Variants in MINDY2 observed in about 807,000 individuals in gnomAD.
MINDY2 encodes the protein MINDY lysine 48 deubiquitinase 2, also known as ubiquitin carboxyl-terminal hydrolase MINDY-2.
In MINDY2, 52 loss-of-function variants were observed where a neutral mutation model predicts 68.2. The observed-to-expected ratio is 0.76, with a 90% CI of 0.61 to 0.96. The LOEUF (loss-of-function observed/expected upper bound fraction) is 0.96. Among genes scored for constraint, MINDY2 ranks in the 40% least tolerant of loss-of-function variants. The pLI, the probability that MINDY2 is intolerant of heterozygous loss-of-function variation, is 0.00. For synonymous variants in MINDY2, 372 were observed against 303.0 expected (o/e 1.23, Z -2.36); for missense variants, 881 against 773.4 (o/e 1.14, Z -1.65).
At chr15:58,796,079 G>A (rs1390896730) in intron 2 of MINDY2, 1 of 455,816 alleles carries the variant, frequency 2.2e-6, no homozygotes, top group Non-Finnish European at 4.4e-6. Flanking sequence ...GGAGTGGTGA[G>A]TTGAAGAGTA....
At position 58,861,471 on chromosome 15, in the gene MINDY2, A is replaced by G. The variant is rs2033215938; in HGVS notation, c.*6861A>G. ...GCTTTAATTTCAATTGAGGAATAAT[A>G]ACAACCCTAGAGATTCATAGGAAAG... On this transcript the variant is annotated 3_prime_UTR_variant, in exon 9 of 9. Transcript: ENST00000559228. The G allele has an allele frequency of 6.6e-6, 1 of 152,216 alleles. No individual in the cohort carries two copies. Among genetic ancestry groups the G allele is most frequent in the Non-Finnish European group, 1.5e-5 (1 of 68,038 alleles). The allele number at this position is 152,216 out of a possible 1,614,324, so 9.4% of individuals were successfully genotyped here.
intron 3 of MINDY2, among the ~76,000 whole-genome samples, chr15:58,806,476 G>C (rs1318267530): frequency 6.6e-6 from 1 of 151,004 alleles, no homozygotes; most frequent in African/African-American, 2.4e-5. Context: ...GCTCACTTCA[G>C]CCTCCCAAAG....
chr15:58,772,115 A>G lies in MINDY2; in HGVS notation c.720A>G (p.Gln240=). The G allele has an allele frequency of 1.2e-6, 2 of 1,614,040 alleles. No individual in the cohort carries two copies. The highest frequency in any genetic ancestry group is 1.7e-6 in the Non-Finnish European group (2 of 1,179,954). ...LAASKERFPG[Q]SVYHIKWIQW... ...CCTCCAAGGAACGCTTCCCGGGACA[A>G]TCTGTGTATCACATCAAGTGGATCC... is the stretch of plus-strand genomic sequence containing the variant. The change falls in exon 1 of 9, where the codon CAA becomes CAG. Residue 240 remains glutamine, a synonymous_variant. Coordinates refer to ENST00000559228, the MANE Select transcript of MINDY2 (RefSeq NM_001040450.3).
intron 6 of MINDY2, among the ~76,000 whole-genome samples, chr15:58,843,961 A>G (rs892977143): frequency 2.0e-5 from 3 of 152,100 alleles, no homozygotes; most frequent in Non-Finnish European, 4.4e-5. Flanking sequence ...TGACATTTAT[A>G]TAATTTGAAC....
rs2033131468 is a variant in MINDY2, at chr15:58,858,607, C to G, written c.*3997C>G. ...CAAGGCAAGAATTTCCAGAACTGTCCTCAAATAGCTCATTTATTTAAGTTT... is the reference window on the plus strand; with the variant it reads ...CAAGGCAAGAATTTCCAGAACTGTCGTCAAATAGCTCATTTATTTAAGTTT... On this transcript the variant is annotated 3_prime_UTR_variant, in exon 9 of 9. Coordinates refer to ENST00000559228, the MANE Select transcript of MINDY2 (RefSeq NM_001040450.3). The G allele has an allele frequency of 6.6e-6, 1 of 152,060 alleles. No individual in the cohort carries two copies. The highest frequency in any genetic ancestry group is 2.4e-5 in the African/African-American group (1 of 41,422). 9.4% of individuals were successfully genotyped at this position (152,060 alleles called of 1,614,324 possible). A position where few individuals can be genotyped will look rare whatever the true frequency, so the allele number is the denominator to read the frequency against.
chr15:58,846,100 A>G (rs2032517330), intron 6 of MINDY2, among the ~76,000 whole-genome samples: 1 of 151,976 alleles, frequency 6.6e-6, no homozygotes, highest in South Asian at 2.1e-4. Flanking sequence ...GTTAAAAAAA[A>G]AAAAAAAGAA....
intron 1 of MINDY2, among the ~76,000 whole-genome samples, chr15:58,778,579 A>G (rs1183977670): frequency 3.3e-5 from 5 of 151,460 alleles, no homozygotes; most frequent in African/African-American, 4.8e-5. Flanking sequence ...AAAACACACT[A>G]AAAACTAAGG....
intron 4 of MINDY2, among the ~76,000 whole-genome samples, chr15:58,819,538 G>A (rs78589757): frequency 0.027 from 4,121 of 152,170 alleles, 206 homozygotes; most frequent in African/African-American, 0.092. Flanking sequence ...TTAGAGACAG[G>A]AGTTTTGCTG....
rs1324164025 is a variant in MINDY2, at chr15:58,856,996, G to T, written c.*2386G>T. On this transcript the variant is annotated 3_prime_UTR_variant, in exon 9 of 9. Transcript: ENST00000559228. ...ACAAAACAAAACTCACTCAAAACCA[G>T]CAGTGCTGCTATCAGATAAGTAGAT... 7.2e-5 allele frequency: 11 copies of T among 152,182 alleles called. No individual in the cohort carries two copies. The highest frequency in any genetic ancestry group is 1.3e-4 in the Non-Finnish European group (9 of 68,030). The allele number at this position is 152,182 out of a possible 1,614,324, so 9.4% of individuals were successfully genotyped here.
chr15:58,772,640 C>G (rs1320076123), intron 1 of MINDY2, among the ~76,000 whole-genome samples: 1 of 152,140 alleles, frequency 6.6e-6, no homozygotes, highest in African/African-American at 2.4e-5. Flanking sequence ...ATATCATGGA[C>G]TAAGTTTTCA....
chr15:58,804,530 A>G (rs1902888021), intron 3 of MINDY2, among the ~76,000 whole-genome samples: 1 of 152,080 alleles, frequency 6.6e-6, no homozygotes, highest in Admixed American at 6.6e-5. Flanking sequence ...TGCAAGCACC[A>G]GGCGTGGTGG....
intron 6 of MINDY2, among the ~76,000 whole-genome samples, chr15:58,836,294 C>T (rs1182683911): frequency 1.3e-5 from 2 of 151,058 alleles, no homozygotes; most frequent in Non-Finnish European, 2.9e-5. Flanking sequence ...GGATGGAGTG[C>T]AGTGGCTACT....
intron 5 of MINDY2, among the ~76,000 whole-genome samples, chr15:58,823,206 C>T (rs1330632511): frequency 2.7e-5 from 4 of 148,860 alleles, no homozygotes; most frequent in Non-Finnish European, 5.9e-5. Context: ...GGCGCGATCT[C>T]AGCTCACTGC....
At position 58,854,722 on chromosome 15, in the gene MINDY2, G is replaced by C. The variant is rs1400929720; in HGVS notation, c.*112G>C. On this transcript the variant is annotated 3_prime_UTR_variant, in exon 9 of 9. Transcript: ENST00000559228. Reference sequence around the variant, plus strand: ...TGTGCCTGATTTCCTAATGGATTTTGTTCGTTTTTTCAGGGGAACGGTTGT... The same window carrying C: ...TGTGCCTGATTTCCTAATGGATTTTCTTCGTTTTTTCAGGGGAACGGTTGT... 3 of 1,340,340 alleles carry C rather than the reference G, an allele frequency of 2.2e-6. No homozygotes were observed. In the African/African-American group the frequency reaches 4.4e-5, roughly 20 times the overall value. 83.0% of individuals were successfully genotyped at this position (1,340,340 alleles called of 1,614,324 possible). A position where few individuals can be genotyped will look rare whatever the true frequency, so the allele number is the denominator to read the frequency against.
Position 58,772,117 on chromosome 15 carries a change from C to T in MINDY2, c.722C>T (p.Ser241Phe), listed in dbSNP as rs1167356828. ...TCCAAGGAACGCTTCCCGGGACAAT[C>T]TGTGTATCACATCAAGTGGATCCAG... is the stretch of plus-strand genomic sequence containing the variant. ...AASKERFPGQ[S>F]VYHIKWIQWK... is the part of the protein sequence containing the mutation. The change falls in exon 1 of 9, where the codon TCT (serine) becomes TTT (phenylalanine). Residue 241 changes from serine to phenylalanine, a missense_variant. Transcript: ENST00000559228. 6.2e-7 allele frequency: 1 copy of T among 1,613,938 alleles called. No individual in the cohort carries two copies. The highest frequency in any genetic ancestry group is 1.1e-5 in the South Asian group (1 of 91,084).
At chr15:58,777,810 A>T (rs904547316) in intron 1 of MINDY2, among the ~76,000 whole-genome samples, 17 of 151,898 alleles carry the variant, frequency 1.1e-4, no homozygotes, top group Admixed American at 9.8e-4. Context: ...TTTTATGGAG[A>T]CGGGGTCTCA....
chr15:58,848,450 G>T (rs2032642601), intron 7 of MINDY2, among the ~76,000 whole-genome samples: 1 of 152,140 alleles, frequency 6.6e-6, no homozygotes, highest in South Asian at 2.1e-4. Flanking sequence ...GTACACAAAA[G>T]AATATTTAAT....
chr15:58,810,086 G>T, intron 3 of MINDY2, 144 bp from the exon 4 acceptor site: 1 of 723,190 alleles, frequency 1.4e-6, no homozygotes. Flanking sequence ...CTGACACATA[G>T]TAGATACTCA....
At chr15:58,782,911 GTTTT>G (rs1157376592) in intron 1 of MINDY2, among the ~76,000 whole-genome samples, 174 of 64,488 alleles carry the variant, frequency 2.7e-3, no homozygotes, top group African/African-American at 9.9e-3. Context: ...TTTTCTCTCT[GTTTT>G]TTTTTTTTTT....
Sources: gnomAD v4.1 joint callset for allele counts (sites outside exome capture counted in the v4.1 genomes callset) on GRCh38, gnomAD v4.1.1 for gene constraint, MANE v1.5 for transcripts, NCBI Gene and HGNC (gene_info 2026-07-23, HGNC 2026-07-21) for gene names.